The following STARD13 variants were observed in gnomAD, a reference collection of about 807,000 sequenced individuals.
The protein encoded by STARD13 is StAR related lipid transfer domain containing 13, also known as stAR-related lipid transfer protein 13.
A neutral mutation model predicts 106.4 loss-of-function variants in STARD13; 62 were observed. The ratio of observed to expected loss-of-function variants is 0.58; its 90% CI spans 0.48 to 0.72. The LOEUF (loss-of-function observed/expected upper bound fraction) is 0.72. Ranked by LOEUF, STARD13 falls within the 30% of genes least tolerant of loss-of-function variation. The probability of loss-of-function intolerance (pLI) is 0.00; values close to 1 mark genes in which losing one functional copy is unlikely to be tolerated. For synonymous variants in STARD13, 565 were observed against 553.0 expected (o/e 1.02, Z -0.31); for missense variants, 1,387 against 1,424.0 (o/e 0.97, Z 0.42).
intron 1 of STARD13, among the ~76,000 whole-genome samples, chr13:33,247,723 G>GT (rs1366487999): frequency 1.3e-5 from 2 of 152,102 alleles, no homozygotes; most frequent in African/African-American, 4.8e-5. Flanking sequence ...TCACTTGTAA[G>GT]TGCTGGAACC....
the STARD13 span, among the ~76,000 whole-genome samples, chr13:33,402,809 T>C: frequency 6.6e-6 from 1 of 152,226 alleles, no homozygotes; most frequent in Non-Finnish European, 1.5e-5. Flanking sequence ...GTTCAGCTGC[T>C]GAATGGCCAA....
intron 1 of STARD13, among the ~76,000 whole-genome samples, chr13:33,191,123 C>G (rs1272685438): frequency 6.6e-6 from 1 of 152,156 alleles, no homozygotes; most frequent in Non-Finnish European, 1.5e-5. Flanking sequence ...ATGTCAAAAA[C>G]TATATACGCG....
chr13:33,244,670 C>A (rs893673500), intron 1 of STARD13, among the ~76,000 whole-genome samples: 7 of 152,086 alleles, frequency 4.6e-5, no homozygotes, highest in African/African-American at 1.4e-4. Context: ...CCAGGCTAGC[C>A]TCCTTGGGGA....
chr13:33,460,096 G>A, the STARD13 span, among the ~76,000 whole-genome samples: 1 of 152,074 alleles, frequency 6.6e-6, no homozygotes, highest in African/African-American at 2.4e-5. Context: ...CAACCAATTT[G>A]TAAAATTTAG....
the STARD13 span, among the ~76,000 whole-genome samples, chr13:33,565,308 T>TAA: frequency 2.0e-5 from 3 of 147,336 alleles, no homozygotes; most frequent in Non-Finnish European, 4.5e-5. Context: ...ATTAATCAAT[T>TAA]GTACATTTCT....
the STARD13 span, among the ~76,000 whole-genome samples, chr13:33,471,366 C>G: frequency 6.6e-6 from 1 of 152,190 alleles, no homozygotes. Flanking sequence ...GCTGCAGCAG[C>G]CAGTTCCTGC....
the STARD13 span, among the ~76,000 whole-genome samples, chr13:33,410,679 A>G: frequency 6.6e-6 from 1 of 152,180 alleles, no homozygotes; most frequent in African/African-American, 2.4e-5. Flanking sequence ...TTTCAACACA[A>G]TAATTTCATC....
intron 1 of STARD13, among the ~76,000 whole-genome samples, chr13:33,191,741 T>C (rs1886269673): frequency 6.6e-6 from 1 of 152,238 alleles, no homozygotes; most frequent in Non-Finnish European, 1.5e-5. Context: ...GCCTCAGCAA[T>C]GTCTTTGTCC....
chr13:33,481,726 T>C, the STARD13 span, among the ~76,000 whole-genome samples: 1 of 152,190 alleles, frequency 6.6e-6, no homozygotes, highest in African/African-American at 2.4e-5. Flanking sequence ...GTGTGGACTT[T>C]ATTTGAACTC....
rs949500720 is a variant in STARD13 at position 33,154,863 on chromosome 13, G to A, written c.323+10474C>T. ...GGTCAAGAACTGAAGGCTGAGCAAA[G>A]CAGCCGCGCGGGAACCGGCTGCTCA... On this transcript the variant is annotated intron_variant, in intron 3 of 13. Coordinates refer to ENST00000336934, the MANE Select transcript of STARD13 (RefSeq NM_178006.4). 9.2e-5 allele frequency among the ~76,000 whole-genome samples: 14 copies of A among 152,300 alleles called. 1 individual carries two copies. The highest frequency in any genetic ancestry group is 2.6e-4 in the African/African-American group (11 of 41,568).
intron 7 of STARD13, among the ~76,000 whole-genome samples, chr13:33,122,624 G>C (rs1335038933): frequency 6.6e-6 from 1 of 152,208 alleles, no homozygotes; most frequent in Non-Finnish European, 1.5e-5. Flanking sequence ...GCAATGCAGA[G>C]TTCATTTTAT....
the STARD13 span, among the ~76,000 whole-genome samples, chr13:33,647,233 C>G: frequency 6.6e-6 from 1 of 152,136 alleles, no homozygotes; most frequent in Non-Finnish European, 1.5e-5. Flanking sequence ...TAGAATCACA[C>G]AGAAATTCAA....
At chr13:33,571,753 G>A in the STARD13 span, among the ~76,000 whole-genome samples, 6 of 152,172 alleles carry the variant, frequency 3.9e-5, no homozygotes, top group Admixed American at 1.3e-4. Context: ...TGTACCAGAT[G>A]CCTGTCAGTC....
the STARD13 span, among the ~76,000 whole-genome samples, chr13:33,547,612 G>A: frequency 2.8e-4 from 42 of 152,316 alleles, no homozygotes; most frequent in African/African-American, 9.4e-4. Context: ...AAGGAATTGG[G>A]ATGTAAAACC....
chr13:33,552,466 A>G, the STARD13 span, among the ~76,000 whole-genome samples: 1 of 152,228 alleles, frequency 6.6e-6, no homozygotes, highest in Non-Finnish European at 1.5e-5. Context: ...TAAATGAGAA[A>G]CCACCAACAG....
At chr13:33,609,832 T>C in the STARD13 span, among the ~76,000 whole-genome samples, 4 of 152,120 alleles carry the variant, frequency 2.6e-5, no homozygotes, top group Admixed American at 2.0e-4. Context: ...CCTCCCAAAG[T>C]GCTGGGATTA....
At chr13:33,307,983 T>C (rs1291079443) in intron 1 of STARD13, among the ~76,000 whole-genome samples, 1 of 152,214 alleles carries the variant, frequency 6.6e-6, no homozygotes, top group East Asian at 1.9e-4. Flanking sequence ...CAAAAGTTTC[T>C]GGGCAGAATT....
the STARD13 span, among the ~76,000 whole-genome samples, chr13:33,523,948 A>G: frequency 6.6e-6 from 1 of 152,146 alleles, no homozygotes; most frequent in Admixed American, 6.6e-5. Context: ...TGAAGAGATG[A>G]ATTGAAGTAT....
the STARD13 span, among the ~76,000 whole-genome samples, chr13:33,529,006 TTTTA>T: frequency 1.3e-5 from 2 of 152,150 alleles, no homozygotes; most frequent in South Asian, 2.1e-4. Flanking sequence ...ATTCATAGGG[TTTTA>T]TTTATTACTT....
Sources: gnomAD v4.1 joint callset for allele counts (sites outside exome capture counted in the v4.1 genomes callset) on GRCh38, gnomAD v4.1.1 for gene constraint, MANE v1.5 for transcripts, NCBI Gene and HGNC (gene_info 2026-07-23, HGNC 2026-07-21) for gene names.